Variants in RXFP2 observed in about 807,000 individuals in gnomAD.
RXFP2 encodes the protein relaxin family peptide receptor 2.
Under a neutral mutation model 88.6 loss-of-function variants are expected in RXFP2, and 68 were observed. That is an observed-to-expected ratio of 0.77 (90% CI 0.63 to 0.94). RXFP2 has a LOEUF of 0.94. Among genes scored for constraint, RXFP2 ranks in the 40% least tolerant of loss-of-function variants. The pLI is 0.00. For missense variants in RXFP2, 791 were observed against 893.9 expected (o/e 0.88, Z 1.47); for synonymous variants, 329 against 306.8 (o/e 1.07, Z -0.76).
chr13:31,739,735 G>T (rs779817804), intron 1 of RXFP2, 29 bp downstream of exon 1: 2 of 1,364,904 alleles, frequency 1.5e-6, no homozygotes, highest in African/African-American at 2.9e-5. Context: ...CGTTTTAAAT[G>T]AGTGCAATTC....
At position 31,739,645 on chromosome 13, in the gene RXFP2, C is replaced by T. The variant is rs769519937; in HGVS notation, c.33C>T (p.Phe11=). Residue 11 remains phenylalanine, a synonymous_variant, in exon 1 of 18, where the codon TTC becomes TTT. Coordinates refer to ENST00000298386, the MANE Select transcript of RXFP2 (RefSeq NM_130806.5). ...TTTTTCTGGTTTTTAAACATCTCTT[C>T]AGCCTCAGATTGATTACAATGTTCT... The part of the protein sequence containing the change: MIVFLVFKHL[F]SLRLITMFFL... 1 of 1,608,264 alleles carries T rather than the reference C, an allele frequency of 6.2e-7. No homozygotes were observed. The highest frequency in any genetic ancestry group is 1.7e-5 in the Admixed American group (1 of 59,988).
chr13:31,798,881 C>G (rs766642468), intron 17 of RXFP2, among the ~76,000 whole-genome samples: 9 of 152,178 alleles, frequency 5.9e-5, no homozygotes, highest in Non-Finnish European at 1.2e-4. Flanking sequence ...AATACTCCCT[C>G]TTCTATGGTG....
At chr13:31,774,938 T>G (rs1457591978) in intron 6 of RXFP2, among the ~76,000 whole-genome samples, 1 of 152,202 alleles carries the variant, frequency 6.6e-6, no homozygotes, top group East Asian at 1.9e-4. Context: ...TTTTAGCATT[T>G]TATTTCTTTT....
Position 31,782,760 on chromosome 13 carries a change from G to A in RXFP2, c.929+13G>A, listed in dbSNP as rs182293739. 5.9e-5 allele frequency: 87 copies of A among 1,486,080 alleles called. No homozygotes were observed. Among genetic ancestry groups the A allele is most frequent in the Non-Finnish European group, 6.9e-5 (73 of 1,064,026 alleles). 92.1% of individuals were successfully genotyped at this position (1,486,080 alleles called of 1,614,324 possible). ...ATTTAGGAGAACTGTAAGTAGCATC[G>A]TCTACTAGGAAAATATGATTGCTTC... On this transcript the variant is annotated intron_variant, in intron 11 of 17. Transcript: ENST00000298386.
At chr13:31,749,515 T>A (rs78666006) in intron 1 of RXFP2, among the ~76,000 whole-genome samples, 4,499 of 152,282 alleles carry the variant, frequency 0.03, 99 homozygotes, top group East Asian at 0.075. Flanking sequence ...AATCTATAGA[T>A]TGATTTAGGG....
chr13:31,760,574 G>A (rs1343664686), intron 2 of RXFP2, among the ~76,000 whole-genome samples: 2 of 152,162 alleles, frequency 1.3e-5, no homozygotes, highest in Non-Finnish European at 2.9e-5. Context: ...TGCTGCATGG[G>A]AATCAGAAGC....
intron 9 of RXFP2, among the ~76,000 whole-genome samples, chr13:31,778,826 C>T (rs1873121364): frequency 6.6e-6 from 1 of 152,104 alleles, no homozygotes; most frequent in African/African-American, 2.4e-5. Flanking sequence ...AGATGCTATC[C>T]CTGACCCTCG....
At chr13:31,744,536 C>T (rs951190790) in intron 1 of RXFP2, among the ~76,000 whole-genome samples, 1 of 152,174 alleles carries the variant, frequency 6.6e-6, no homozygotes, top group Admixed American at 6.5e-5. Context: ...ATTAGCCATG[C>T]CCCTCTACAG....
intron 5 of RXFP2, among the ~76,000 whole-genome samples, chr13:31,767,784 G>A (rs140461815): frequency 4.6e-5 from 7 of 152,178 alleles, no homozygotes; most frequent in African/African-American, 1.7e-4. Flanking sequence ...GAAACCTTAA[G>A]AGGGAAAGAA....
intron 16 of RXFP2, among the ~76,000 whole-genome samples, chr13:31,796,590 T>C (rs140759004): frequency 4.6e-5 from 7 of 152,286 alleles, no homozygotes; most frequent in Admixed American, 4.6e-4. Context: ...TACTTCATGA[T>C]ATGCCTAGAT....
At chr13:31,789,465 GA>G (rs1873699207) in intron 14 of RXFP2, among the ~76,000 whole-genome samples, 1 of 152,172 alleles carries the variant, frequency 6.6e-6, no homozygotes, top group African/African-American at 2.4e-5. Flanking sequence ...TATTACACAA[GA>G]TGAAGTCACT....
intron 17 of RXFP2, among the ~76,000 whole-genome samples, chr13:31,801,042 G>A (rs148638527): frequency 2.8e-4 from 43 of 152,112 alleles, no homozygotes; most frequent in African/African-American, 1.0e-3. Flanking sequence ...AGTCAGAGAA[G>A]AAATGGAAAA....
At chr13:31,765,515 A>T (rs931600821) in intron 4 of RXFP2, among the ~76,000 whole-genome samples, 1 of 152,030 alleles carries the variant, frequency 6.6e-6, no homozygotes, top group African/African-American at 2.4e-5. Context: ...GACTGCAAAG[A>T]TATAAAAGAT....
At position 31,778,667 on chromosome 13, in the gene RXFP2, G is replaced by C. The variant is rs74867974; in HGVS notation, c.785+84G>C. ...AAGTTAATTCAAGGTTACCTAGAAA[G>C]TCCATCTATAATTTCTTTCCAAAAT... is the stretch of plus-strand genomic sequence containing the variant. On this transcript the variant is annotated intron_variant, in intron 9 of 17. Transcript: ENST00000298386. 3,709 of 968,546 alleles carry C rather than the reference G, an allele frequency of 3.8e-3. 10 individuals are homozygous for C. The highest frequency in any genetic ancestry group is 5.6e-3 in the Non-Finnish European group (3,320 of 594,570). The allele number at this position is 968,546 out of a possible 1,614,324, so 60.0% of individuals were successfully genotyped here. A position where few individuals can be genotyped will look rare whatever the true frequency, so the allele number is the denominator to read the frequency against.
intron 15 of RXFP2, 61 bp from the exon 16 acceptor site, chr13:31,792,617 C>T (rs969473686): frequency 2.0e-6 from 3 of 1,514,418 alleles, no homozygotes; most frequent in Non-Finnish European, 2.7e-6. Flanking sequence ...TAGACTTAAT[C>T]AGAAAACTAA....
intron 2 of RXFP2, among the ~76,000 whole-genome samples, chr13:31,759,791 A>C (rs898591963): frequency 6.6e-6 from 1 of 152,100 alleles, no homozygotes; most frequent in African/African-American, 2.4e-5. Context: ...AAAGTGGGGC[A>C]GCAAAGCCCA....
At chr13:31,794,526 C>T (rs1435798617) in intron 16 of RXFP2, among the ~76,000 whole-genome samples, 2 of 152,182 alleles carry the variant, frequency 1.3e-5, no homozygotes, top group Non-Finnish European at 2.9e-5. Context: ...TTACAGACCA[C>T]AGAGGAGGAG....
intron 2 of RXFP2, among the ~76,000 whole-genome samples, chr13:31,761,480 T>C (rs1872297636): frequency 6.6e-6 from 1 of 152,250 alleles, no homozygotes; most frequent in Non-Finnish European, 1.5e-5. Context: ...TTTATATTTA[T>C]GTAAAATAAT....
chr13:31,761,530 G>T (rs1316326437), intron 2 of RXFP2, among the ~76,000 whole-genome samples, 194 bp from the exon 3 acceptor site: 4 of 152,078 alleles, frequency 2.6e-5, no homozygotes, highest in Non-Finnish European at 5.9e-5. Context: ...CATACATTTG[G>T]AGTATTTTTC....
Sources: allele counts gnomAD v4.1 joint callset (sites outside exome capture counted in the v4.1 genomes callset), GRCh38; gene constraint gnomAD v4.1.1; transcripts MANE v1.5; gene names NCBI Gene and HGNC (gene_info 2026-07-23, HGNC 2026-07-21).